Variants in DNAH9 observed in about 807,000 individuals in gnomAD.
The protein encoded by DNAH9 is DNAH9 variant protein.
Under a neutral mutation model 471.6 loss-of-function variants are expected in DNAH9, and 345 were observed. The ratio of observed to expected loss-of-function variants is 0.73; its 90% CI spans 0.67 to 0.80. DNAH9 has a LOEUF of 0.80. Ranked by LOEUF, DNAH9 falls within the 30% of genes least tolerant of loss-of-function variation. The pLI, the probability that DNAH9 is intolerant of heterozygous loss-of-function variation, is 0.00. For synonymous variants in DNAH9, 2,093 were observed against 2,123.6 expected (o/e 0.99, Z 0.40); for missense variants, 5,407 against 5,609.2 (o/e 0.96, Z 1.15).
intron 8 of DNAH9, among the ~76,000 whole-genome samples, chr17:11,634,938 C>T (rs1019446887): frequency 3.9e-5 from 6 of 152,132 alleles, no homozygotes; most frequent in African/African-American, 1.4e-4. Context: ...AATGGCCCAA[C>T]CTGAAATAAG....
chr17:11,696,898 C>T (rs1402770666), intron 22 of DNAH9, among the ~76,000 whole-genome samples: 1 of 151,888 alleles, frequency 6.6e-6, no homozygotes, highest in Non-Finnish European at 1.5e-5. Context: ...AAGGTTGGAT[C>T]TTGCTCTGTC....
At chr17:11,636,370 T>C (rs1436997919) in intron 8 of DNAH9, among the ~76,000 whole-genome samples, 2 of 152,202 alleles carry the variant, frequency 1.3e-5, no homozygotes, top group African/African-American at 4.8e-5. Context: ...CCTTTGTTTA[T>C]TGGTTTATCC....
chr17:11,670,360 T>A (rs2073953669), intron 17 of DNAH9, among the ~76,000 whole-genome samples: 3 of 152,194 alleles, frequency 2.0e-5, no homozygotes, highest in Admixed American at 2.0e-4. Flanking sequence ...ATAATCCATG[T>A]AGTCAACAGT....
chr17:11,629,588 G>C lies in DNAH9; in HGVS notation c.1518+4G>C, dbSNP rs778802993. The C allele has an allele frequency of 1.3e-5, 21 of 1,611,474 alleles. No homozygotes were observed. In the Admixed American group the frequency reaches 3.5e-4, roughly 27 times the overall value. On this transcript the variant is annotated splice_donor_region_variant and intron_variant, in intron 7 of 68. Coordinates refer to ENST00000262442, the MANE Select transcript of DNAH9 (RefSeq NM_001372.4). ...CTGCCTGTACCTCCAAAGCACGGTA[G>C]GGTTGGGAAGGGCTGAATCGCCAGC... is the stretch of plus-strand genomic sequence containing the variant.
intron 50 of DNAH9, among the ~76,000 whole-genome samples, chr17:11,861,340 C>G (rs1378839581): frequency 6.6e-6 from 1 of 151,426 alleles, no homozygotes; most frequent in South Asian, 2.1e-4. Context: ...CATGTCCCTA[C>G]AAAGGACATG....
intron 26 of DNAH9, among the ~76,000 whole-genome samples, chr17:11,716,718 G>A (rs1017025672): frequency 4.6e-5 from 7 of 152,160 alleles, no homozygotes; most frequent in African/African-American, 1.7e-4. Context: ...AAATTCCTGA[G>A]AGCCCTGCAG....
chr17:11,891,665 T>G, intron 57 of DNAH9, 112 bp from the exon 58 acceptor site: 2 of 1,360,630 alleles, frequency 1.5e-6, no homozygotes, highest in Non-Finnish European at 2.0e-6. Context: ...GTGCCTGGCC[T>G]TGGGAAAAAA....
intron 1 of DNAH9, 131 bp from the exon 2 acceptor site, chr17:11,607,998 T>C: frequency 1.6e-6 from 1 of 623,256 alleles, no homozygotes; most frequent in Non-Finnish European, 2.8e-6. Flanking sequence ...TTCGACCCTA[T>C]TATTAGGCCT....
intron 19 of DNAH9, among the ~76,000 whole-genome samples, chr17:11,685,847 C>T (rs1297506793): frequency 6.7e-6 from 1 of 150,226 alleles, no homozygotes; most frequent in Non-Finnish European, 1.5e-5. Flanking sequence ...CTCTGTCACC[C>T]AGGCTGGAGT....
intron 48 of DNAH9, among the ~76,000 whole-genome samples, chr17:11,824,409 T>C (rs1970418119): frequency 6.6e-6 from 1 of 152,208 alleles, no homozygotes; most frequent in Non-Finnish European, 1.5e-5. Context: ...CCTCGCAATC[T>C]GTACACATAG....
chr17:11,652,870 G>A lies in DNAH9; in HGVS notation c.2463G>A (p.Trp821Ter), dbSNP rs1342493318. ...AGATCCAAAACATCATGAAAACATG[G>A]GTGACTCCAATATTTAAGACAAAAG... ...VEEIQNIMKT[W>*]VTPIFKTKDG... The change falls in exon 14 of 69, where the codon TGG becomes TGA. Residue 821 changes from tryptophan (W) to a stop codon, truncating the protein, a stop_gained. Coordinates refer to ENST00000262442, the MANE Select transcript of DNAH9 (RefSeq NM_001372.4). LOFTEE classifies it high-confidence loss of function. The A allele has an allele frequency of 1.2e-6, 2 of 1,614,020 alleles. No individual in the cohort carries two copies. The highest frequency in any genetic ancestry group is 1.1e-5 in the South Asian group (1 of 91,068).
At chr17:11,882,922 G>A in intron 55 of DNAH9, 4 of 985,450 alleles carry the variant, frequency 4.1e-6, no homozygotes, top group Non-Finnish European at 4.8e-6. Flanking sequence ...AAACAAGAAA[G>A]GTCAGGGTGG....
intron 68 of DNAH9, among the ~76,000 whole-genome samples, chr17:11,966,845 G>A (rs577775293): frequency 2.8e-4 from 42 of 151,894 alleles, no homozygotes; most frequent in African/African-American, 9.4e-4. Flanking sequence ...TGGATCACTT[G>A]AGGTCAGGAG....
At chr17:11,959,237 T>C (rs1294623073) in intron 67 of DNAH9, among the ~76,000 whole-genome samples, 2 of 152,330 alleles carry the variant, frequency 1.3e-5, no homozygotes, top group East Asian at 3.9e-4. Flanking sequence ...CTTTTGTTCA[T>C]CATTGCCATG....
In DNAH9 at chr17:11,750,582, C is replaced by G. The variant is rs114263697; in HGVS notation, c.6611-2251C>G. ...ACAATATCAATTTACAGGTCACATT[C>G]TCTGATAATAATGGAATAGAATTAG... On this transcript the variant is annotated intron_variant, in intron 32 of 68. Transcript: ENST00000262442. Among the ~76,000 whole-genome samples, 1,288 of 152,170 alleles carry G rather than the reference C, an allele frequency of 8.5e-3. 20 individuals are homozygous for G. The highest frequency in any genetic ancestry group is 0.029 in the African/African-American group (1,206 of 41,526).
intron 2 of DNAH9, among the ~76,000 whole-genome samples, chr17:11,609,506 T>C (rs1220279540): frequency 6.6e-6 from 1 of 152,220 alleles, no homozygotes; most frequent in African/African-American, 2.4e-5. Flanking sequence ...ATGGGTGTCT[T>C]CTTCCTTTAA....
At chr17:11,901,668 C>G (rs900478048) in intron 59 of DNAH9, among the ~76,000 whole-genome samples, 4 of 152,146 alleles carry the variant, frequency 2.6e-5, no homozygotes, top group Non-Finnish European at 5.9e-5. Flanking sequence ...TGCGCTCCAG[C>G]CTGGGCAACA....
chr17:11,876,891 C>CT (rs1029870124), intron 53 of DNAH9, among the ~76,000 whole-genome samples: 3 of 151,456 alleles, frequency 2.0e-5, no homozygotes, highest in Non-Finnish European at 4.4e-5. Flanking sequence ...ACCCGGCTAA[C>CT]TTTTTTTTGT....
chr17:11,969,502 G>A lies in DNAH9; in HGVS notation c.13436G>A (p.Gly4479Glu), dbSNP rs748561173. The A allele has an allele frequency of 6.2e-7, 1 of 1,613,078 alleles. No individual in the cohort carries two copies. ...AACCCATCCAAGTGGGTTCTGGCTG[G>A]AGTAGCCTTGCTTCTCCAGATTTAG... ...KENPSKWVLA[G>E]VALLLQI Residue 4479 changes from glycine to glutamate, a missense_variant, in exon 69 of 69, where the codon GGA becomes GAA. Coordinates refer to ENST00000262442, the MANE Select transcript of DNAH9 (RefSeq NM_001372.4).
Sources: gnomAD v4.1 joint callset for allele counts (sites outside exome capture counted in the v4.1 genomes callset) on GRCh38, gnomAD v4.1.1 for gene constraint, MANE v1.5 for transcripts, NCBI Gene and HGNC (gene_info 2026-07-23, HGNC 2026-07-21) for gene names.